The following DBT variants were observed in gnomAD, a reference collection of about 807,000 sequenced individuals.
DBT encodes the protein dihydrolipoamide branched chain transacylase E2.
A neutral mutation model predicts 51.3 loss-of-function variants in DBT; 40 were observed. The ratio of observed to expected loss-of-function variants is 0.78; its 90% confidence interval spans 0.61 to 1.02. The LOEUF (loss-of-function observed/expected upper bound fraction) is 1.02. Among genes scored for constraint, DBT ranks in the 50% least tolerant of loss-of-function variants. The probability of loss-of-function intolerance (pLI) is 0.00; values close to 1 mark genes in which losing one functional copy is unlikely to be tolerated. For missense variants in DBT, 510 were observed against 580.2 expected (o/e 0.88, Z 1.24); for synonymous variants, 181 against 190.4 (o/e 0.95, Z 0.41).
Position 100,196,438 on chromosome 1 carries a change from A to ATT in DBT, c.1282-17_1282-16insAA. ...GGGGAATGGCCTAGAAATGAAAAAA[A>ATT]AAAAAAAAAAAAAAAAAAAAAGAAC... On this transcript the variant is annotated splice_polypyrimidine_tract_variant and intron_variant, in intron 10 of 10. Transcript: ENST00000370132. 2 of 950,646 alleles carry ATT rather than the reference A, an allele frequency of 2.1e-6. No individual in the cohort carries two copies. The highest frequency in any genetic ancestry group is 2.9e-6 in the Non-Finnish European group (2 of 698,352). The allele number at this position is 950,646 out of a possible 1,614,324, so 58.9% of individuals were successfully genotyped here.
intron 4 of DBT, 66 bp from the exon 5 acceptor site, chr1:100,218,813 T>A: frequency 7.6e-7 from 1 of 1,317,910 alleles, no homozygotes; most frequent in Non-Finnish European, 1.1e-6. Flanking sequence ...AGATGTAAAG[T>A]AAGGCCACTA....
At chr1:100,241,369 TG>T (rs1447624360) in intron 1 of DBT, among the ~76,000 whole-genome samples, 2 of 5,844 alleles carry the variant, frequency 3.4e-4, no homozygotes, top group Non-Finnish European at 7.6e-4. Context: ...AAAGGTATTG[TG>T]TGTGTGTGTG....
chr1:100,228,973 T>C (rs1383104456), intron 4 of DBT, among the ~76,000 whole-genome samples: 1 of 152,240 alleles, frequency 6.6e-6, no homozygotes, highest in Non-Finnish European at 1.5e-5. Context: ...TTTGGCTTTC[T>C]GTATTTTAGA....
Position 100,240,897 on chromosome 1 carries a change from A to C in DBT, c.52-13T>G. On this transcript the variant is annotated splice_polypyrimidine_tract_variant and intron_variant, in intron 1 of 10. Coordinates refer to ENST00000370132, the MANE Select transcript of DBT (RefSeq NM_001918.5). ...AGCGAACACAAATCTACAGATGAGAAAACAAAAAGTAAAAGCATTTATAAA... is the reference window on the plus strand; with the variant it reads ...AGCGAACACAAATCTACAGATGAGACAACAAAAAGTAAAAGCATTTATAAA... 1.9e-6 allele frequency: 3 copies of C among 1,612,724 alleles called. No individual in the cohort carries two copies. The highest frequency in any genetic ancestry group is 2.5e-6 in the Non-Finnish European group (3 of 1,179,122).
chr1:100,239,549 T>C (rs1664085162), intron 2 of DBT, among the ~76,000 whole-genome samples: 1 of 77,652 alleles, frequency 1.3e-5, no homozygotes, highest in Admixed American at 1.7e-4. Context: ...GGTGAGACCC[T>C]GTCTCAAAAA....
intron 10 of DBT, among the ~76,000 whole-genome samples, chr1:100,198,284 A>G (rs971342561): frequency 5.9e-5 from 9 of 152,226 alleles, no homozygotes; most frequent in African/African-American, 1.9e-4. Context: ...GGTACCTAGA[A>G]TAGTCCAATT....
At chr1:100,214,426 A>C (rs774494563) in intron 7 of DBT, among the ~76,000 whole-genome samples, 2 of 152,230 alleles carry the variant, frequency 1.3e-5, no homozygotes, top group Non-Finnish European at 2.9e-5. Flanking sequence ...GGCCACAGTC[A>C]ACATATTGCA....
At chr1:100,202,311 CA>C (rs1282215441) in intron 10 of DBT, among the ~76,000 whole-genome samples, 1 of 151,970 alleles carries the variant, frequency 6.6e-6, no homozygotes, top group Non-Finnish European at 1.5e-5. Flanking sequence ...AAAAAAAAGA[CA>C]AGGGCATTAC....
chr1:100,187,314 C>T lies in DBT; in HGVS notation c.*8941G>A, dbSNP rs1418173094. The T allele has an allele frequency of 6.6e-6, 1 of 152,136 alleles. No homozygotes were observed. 9.4% of individuals were successfully genotyped at this position (152,136 alleles called of 1,614,324 possible). On this transcript the variant is annotated 3_prime_UTR_variant, in exon 11 of 11. Coordinates refer to ENST00000370132, the MANE Select transcript of DBT (RefSeq NM_001918.5). ...TCGGTGTCAAATGATACAGAAATGGCACTGGTTTCCTATATGTTGACTGAG... is the reference window on the plus strand; with the variant it reads ...TCGGTGTCAAATGATACAGAAATGGTACTGGTTTCCTATATGTTGACTGAG...
rs1241511269 is a variant in DBT at position 100,240,814 on chromosome 1, C to A, written c.122G>T (p.Gly41Val). ...ATGACTATACTTGAATGAAGGATAA[C>A]CAAAGAAACACACATAATTTGGCTT... is the stretch of plus-strand genomic sequence containing the variant. ...VLKPNYVCFF[G>V]YPSFKYSHPH... Residue 41 changes from glycine (G) to valine (V), a missense_variant, in exon 2 of 11, where the codon GGT (glycine) becomes GTT (valine). Gly to Val is a moderately radical substitution (Grantham distance 109). Transcript: ENST00000370132. 1.2e-6 allele frequency: 2 copies of A among 1,609,060 alleles called. No individual in the cohort carries two copies. Among genetic ancestry groups the A allele is most frequent in the East Asian group, 4.5e-5 (2 of 44,770 alleles).
At chr1:100,238,242 ACTTCCTTTCCTCC>A (rs542345514) in intron 2 of DBT, among the ~76,000 whole-genome samples, 3,020 of 91,154 alleles carry the variant, frequency 0.033, 44 homozygotes, top group African/African-American at 0.035. Flanking sequence ...TCCTTCCCTC[ACTTCCTTTCCTCC>A]CTTCCTTTCC....
rs780738876 is a variant in DBT, at chr1:100,190,728, A to C, written c.*5527T>G. ...ACTTCTCGGAAAGAGAAACAAAAAG[A>C]AAGTGTGAGAATAGAAATTTTGAGG... On this transcript the variant is annotated 3_prime_UTR_variant, in exon 11 of 11. Coordinates refer to ENST00000370132, the MANE Select transcript of DBT (RefSeq NM_001918.5). 4 of 152,206 alleles carry C rather than the reference A, an allele frequency of 2.6e-5. No homozygotes were observed. The highest frequency in any genetic ancestry group is 1.3e-4 in the Admixed American group (2 of 15,272). The allele number at this position is 152,206 out of a possible 1,614,324, so 9.4% of individuals were successfully genotyped here. A position where few individuals can be genotyped will look rare whatever the true frequency, so the allele number is the denominator to read the frequency against.
chr1:100,249,693 G>T, intron 1 of DBT, 77 bp downstream of exon 1: 1 of 1,440,132 alleles, frequency 6.9e-7, no homozygotes, highest in Non-Finnish European at 9.8e-7. Context: ...CACCGGAGGA[G>T]AAAGTAAAAC....
intron 4 of DBT, among the ~76,000 whole-genome samples, chr1:100,224,967 C>T (rs1027313933): frequency 6.2e-5 from 9 of 145,324 alleles, no homozygotes; most frequent in South Asian, 2.2e-4. Flanking sequence ...CGCAGTGAGC[C>T]GACATCATGC....
chr1:100,239,851 C>CAAAAA lies in DBT; in HGVS notation c.175+905_175+909dup, dbSNP rs56661922. On this transcript the variant is annotated intron_variant, in intron 2 of 10. Coordinates refer to ENST00000370132, the MANE Select transcript of DBT (RefSeq NM_001918.5). ...GCACTCCAGCCTGAGCAACAGAGCTCAAAAAAAAAAAAAAAAAAAAAAAAA... is the reference window on the plus strand; with the variant it reads ...GCACTCCAGCCTGAGCAACAGAGCTCAAAAAAAAAAAAAAAAAAAAAAAAAAAAAA... 5.0e-3 allele frequency among the ~76,000 whole-genome samples: 556 copies of CAAAAA among 110,972 alleles called. 8 individuals carry two copies. The highest frequency in any genetic ancestry group is 7.2e-3 in the Non-Finnish European group (401 of 55,312). The allele number at this position is 110,972 out of a possible 152,430, so 72.8% of individuals were successfully genotyped here.
chr1:100,192,920 T>C lies in DBT; in HGVS notation c.*3335A>G, dbSNP rs996831131. 6.6e-6 allele frequency: 1 copy of C among 152,322 alleles called. No homozygotes were observed. Among genetic ancestry groups the C allele is most frequent in the Non-Finnish European group, 1.5e-5 (1 of 68,116 alleles). The allele number at this position is 152,322 out of a possible 1,614,324, so 9.4% of individuals were successfully genotyped here. A position where few individuals can be genotyped will look rare whatever the true frequency, so the allele number is the denominator to read the frequency against. On this transcript the variant is annotated 3_prime_UTR_variant, in exon 11 of 11. Transcript: ENST00000370132. ...CTTGAATTTTCTGGCTTTTCCACTTTAATTCCAACCTCTAGGAGTACAGCA... is the reference window on the plus strand; with the variant it reads ...CTTGAATTTTCTGGCTTTTCCACTTCAATTCCAACCTCTAGGAGTACAGCA...
intron 4 of DBT, among the ~76,000 whole-genome samples, chr1:100,222,163 C>T (rs1662887616): frequency 6.6e-6 from 1 of 152,134 alleles, no homozygotes; most frequent in African/African-American, 2.4e-5. Flanking sequence ...GTTATAGCTA[C>T]CAAGAGCACC....
At chr1:100,200,099 A>C (rs2100768179) in intron 10 of DBT, among the ~76,000 whole-genome samples, 1 of 152,256 alleles carries the variant, frequency 6.6e-6, no homozygotes. Flanking sequence ...CAAGGAGCCA[A>C]GTGGTCTTGC....
intron 10 of DBT, among the ~76,000 whole-genome samples, chr1:100,200,878 C>A (rs1227011805): frequency 6.6e-6 from 1 of 152,120 alleles, no homozygotes; most frequent in Admixed American, 6.5e-5. Context: ...ACAAAAAGGA[C>A]GACCATGCAA....
Sources: gnomAD v4.1 joint callset for allele counts (sites outside exome capture counted in the v4.1 genomes callset) on GRCh38, gnomAD v4.1.1 for gene constraint, MANE v1.5 for transcripts, NCBI Gene and HGNC (gene_info 2026-07-23, HGNC 2026-07-21) for gene names.